STARD4: variants seen among roughly 807,000 people sequenced by gnomAD.
STARD4 encodes the protein StAR related lipid transfer domain containing 4, also known as stAR-related lipid transfer protein 4.
In STARD4, 33 loss-of-function variants were observed where a neutral mutation model predicts 24.9. The observed-to-expected ratio is 1.32, with a 90% CI of 1.00 to 1.77. The LOEUF is 1.77. Ranked by LOEUF, STARD4 falls within the 40% of genes most tolerant of loss-of-function variation. The pLI, the probability that STARD4 is intolerant of heterozygous loss-of-function variation, is 0.00. For missense variants in STARD4, 238 were observed against 249.3 expected, an observed-to-expected ratio of 0.95 and a Z score of 0.31; for synonymous variants, 88 against 77.4, an observed-to-expected ratio of 1.14 and a Z score of -0.72.
At position 111,507,383 on chromosome 5, in the gene STARD4, A is replaced by G; in HGVS notation, c.51T>C (p.Thr17=). The change falls in exon 2 of 6, where the codon ACT becomes ACC. Residue 17 remains threonine (T), a synonymous_variant. Transcript: ENST00000296632. This position sits in a 1 kb window ranked among gnomAD's most constrained non-coding sequence, Gnocchi z 4.4. ...CTTCAATGCTATGGTACTGGATGAG[A>G]GTGTTTTTAAGTTTAGTTGCAAAAG... The part of the protein sequence containing the change: ...VASFATKLKN[T]LIQYHSIEED... The G allele has an allele frequency of 6.2e-7, 1 of 1,613,740 alleles. No homozygotes were observed. The highest frequency in any genetic ancestry group is 1.3e-5 in the African/African-American group (1 of 75,030).
At chr5:111,501,312 T>C (rs1225679084) in intron 4 of STARD4, among the ~76,000 whole-genome samples, 196 bp from the exon 5 acceptor site, 1 of 152,222 alleles carries the variant, frequency 6.6e-6, no homozygotes, top group African/African-American at 2.4e-5. Context: ...GAAGAAGATA[T>C]ATAATCAAAA....
At chr5:111,510,662 C>T in intron 1 of STARD4, among the ~76,000 whole-genome samples, 1 of 152,028 alleles carries the variant, frequency 6.6e-6, no homozygotes, top group Non-Finnish European at 1.5e-5. Flanking sequence ...TTTTCTATGC[C>T]CATGCTTTTG....
rs1422551337 is a variant in STARD4 at position 111,496,647 on chromosome 5, C to A, written c.*3239G>T. 1 of 152,102 alleles carries A rather than the reference C, an allele frequency of 6.6e-6. No homozygotes were observed. The highest frequency in any genetic ancestry group is 2.4e-5 in the African/African-American group (1 of 41,438). The allele number at this position is 152,102 out of a possible 1,614,324, so 9.4% of individuals were successfully genotyped here. ...AAATTATACAATGTTTTCCCATCTT[C>A]TCCAGATACAACCTCAATTACATAG... On this transcript the variant is annotated 3_prime_UTR_variant, in exon 6 of 6. Transcript: ENST00000296632.
chr5:111,511,030 C>T (rs559227266), intron 1 of STARD4, among the ~76,000 whole-genome samples: 36 of 152,198 alleles, frequency 2.4e-4, no homozygotes, highest in African/African-American at 8.2e-4. Context: ...ATGGACTTTC[C>T]CCAATGTCAT....
intron 4 of STARD4, 148 bp from the exon 5 acceptor site, chr5:111,501,264 G>C (rs1003707411): frequency 9.0e-6 from 8 of 893,064 alleles, no homozygotes; most frequent in Non-Finnish European, 1.3e-5. Context: ...GACAGGTCTA[G>C]ATCTCTATTC....
At position 111,507,293 on chromosome 5, in the gene STARD4, G is replaced by A; in HGVS notation, c.105+36C>T. The A allele has an allele frequency of 6.5e-7, 1 of 1,543,626 alleles. No individual in the cohort carries two copies. The highest frequency in any genetic ancestry group is 8.9e-7 in the Non-Finnish European group (1 of 1,122,468). On this transcript the variant is annotated intron_variant, in intron 2 of 5. Coordinates refer to ENST00000296632, the MANE Select transcript of STARD4 (RefSeq NM_139164.3). This position sits in a 1 kb window ranked among gnomAD's most constrained non-coding sequence, Gnocchi z 4.4. ...TCATCAACCAATTCATTAGATAGAAGATATACCCCAAATATAAGTAATTGA... is the reference window on the plus strand; with the variant it reads ...TCATCAACCAATTCATTAGATAGAAAATATACCCCAAATATAAGTAATTGA...
chr5:111,496,764 A>G lies in STARD4; in HGVS notation c.*3122T>C, dbSNP rs1580836921. 1 of 152,094 alleles carries G rather than the reference A, an allele frequency of 6.6e-6. No homozygotes were observed. Among genetic ancestry groups the G allele is most frequent in the African/African-American group, 2.4e-5 (1 of 41,434 alleles). 9.4% of individuals were successfully genotyped at this position (152,094 alleles called of 1,614,324 possible). A position where few individuals can be genotyped will look rare whatever the true frequency, so the allele number is the denominator to read the frequency against. ...GGAGGAGGAGAGAGAAGGGAGGGGA[A>G]GGAAAAAAATTCTATTAACTAGGAG... is the stretch of plus-strand genomic sequence containing the variant. On this transcript the variant is annotated 3_prime_UTR_variant, in exon 6 of 6. Coordinates refer to ENST00000296632, the MANE Select transcript of STARD4 (RefSeq NM_139164.3).
rs1756183634 is a variant in STARD4 at position 111,497,863 on chromosome 5, GAAACC to G, written c.*2018_*2022del. ...CATGAACACCTCCACTCTTAAAAAT[GAAACC>G]AAACATAACCTGCTGTAATTATCCT... On this transcript the variant is annotated 3_prime_UTR_variant, in exon 6 of 6. Transcript: ENST00000296632. The G allele has an allele frequency of 6.6e-6, 1 of 151,936 alleles. No homozygotes were observed. Among genetic ancestry groups the G allele is most frequent in the South Asian group, 2.1e-4 (1 of 4,818 alleles). 9.4% of individuals were successfully genotyped at this position (151,936 alleles called of 1,614,324 possible).
At chr5:111,510,142 T>A (rs1458640771) in intron 1 of STARD4, among the ~76,000 whole-genome samples, 1 of 152,228 alleles carries the variant, frequency 6.6e-6, no homozygotes, top group African/African-American at 2.4e-5. Context: ...ACCAAACAGT[T>A]AAGTCTTGCA....
chr5:111,507,522 C>A lies in STARD4; in HGVS notation c.-9-80G>T. On this transcript the variant is annotated intron_variant, in intron 1 of 5. Transcript: ENST00000296632. The surrounding 1 kb of genome is among the most constrained non-coding windows in gnomAD (Gnocchi z 4.4). Reference sequence around the variant, plus strand: ...CCAGTGGGTCTCGAATCTGGTTTCACAATATAATAACCTACCAGAGCTATA... The same window carrying A: ...CCAGTGGGTCTCGAATCTGGTTTCAAAATATAATAACCTACCAGAGCTATA... The A allele has an allele frequency of 2.0e-6, 2 of 1,003,316 alleles. No individual in the cohort carries two copies. The highest frequency in any genetic ancestry group is 1.5e-5 in the South Asian group (1 of 65,298). 62.2% of individuals were successfully genotyped at this position (1,003,316 alleles called of 1,614,324 possible).
intron 1 of STARD4, among the ~76,000 whole-genome samples, chr5:111,509,972 C>T (rs1467222475): frequency 2.0e-5 from 3 of 152,070 alleles, no homozygotes; most frequent in African/African-American, 4.8e-5. Flanking sequence ...CTTATTCCAC[C>T]CTTAAGCTTT....
chr5:111,503,815 C>T (rs993653096), intron 3 of STARD4, among the ~76,000 whole-genome samples: 2 of 151,944 alleles, frequency 1.3e-5, no homozygotes, highest in African/African-American at 4.8e-5. Flanking sequence ...AAAAATAAGT[C>T]ATTTTTTAAA....
rs1278543806 is a variant in STARD4, at chr5:111,507,648, G to A, written c.-9-206C>T. Among the ~76,000 whole-genome samples the A allele has an allele frequency of 6.6e-6, 1 of 152,144 alleles. No individual in the cohort carries two copies. The highest frequency in any genetic ancestry group is 1.5e-5 in the Non-Finnish European group (1 of 68,016). On this transcript the variant is annotated intron_variant, in intron 1 of 5. Transcript: ENST00000296632. The surrounding 1 kb of genome is among the most constrained non-coding windows in gnomAD (Gnocchi z 4.4). ...TTGCTCCCAAGATGAATAACCCATA[G>A]CCAGAGGTGAGAATTACATATTTTT...
In STARD4 at chr5:111,507,010, C is replaced by T. The variant is rs551605065; in HGVS notation, c.105+319G>A. On this transcript the variant is annotated intron_variant, in intron 2 of 5. Coordinates refer to ENST00000296632, the MANE Select transcript of STARD4 (RefSeq NM_139164.3). The surrounding 1 kb of genome is among the most constrained non-coding windows in gnomAD (Gnocchi z 4.4). ...TATACCTGAAACTATTCCAAACTCT[C>T]AAGTACTACACTTTCTTAAATTAAT... is the stretch of plus-strand genomic sequence containing the variant. 2.6e-5 allele frequency among the ~76,000 whole-genome samples: 4 copies of T among 152,286 alleles called. No homozygotes were observed. The highest frequency in any genetic ancestry group is 2.0e-4 in the Admixed American group (3 of 15,300).
At chr5:111,506,461 G>T in intron 2 of STARD4, 82 bp from the exon 3 acceptor site, 1 of 569,534 alleles carries the variant, frequency 1.8e-6, no homozygotes, top group Non-Finnish European at 2.9e-6. Flanking sequence ...TAAGTCTATA[G>T]AATTTGTCTT....
Position 111,502,976 on chromosome 5 carries a change from G to A in STARD4, c.156-888C>T, listed in dbSNP as rs376597610. Among the ~76,000 whole-genome samples the A allele has an allele frequency of 8.1e-4, 123 of 152,272 alleles. 2 individuals are homozygous for A. The South Asian group carries it at 0.022, about 28-fold the overall frequency. ...AATGAAGATAATAAAGTCCCTTCAT[G>A]TAATAACATAGCCAAAAACAGTTTA... On this transcript the variant is annotated intron_variant, in intron 3 of 5. Coordinates refer to ENST00000296632, the MANE Select transcript of STARD4 (RefSeq NM_139164.3).
At chr5:111,509,737 G>A (rs181888451) in intron 1 of STARD4, among the ~76,000 whole-genome samples, 153 of 152,248 alleles carry the variant, frequency 1.0e-3, no homozygotes, top group Non-Finnish European at 1.6e-3. Context: ...ATGGAAAAAT[G>A]TATAGACAAT....
intron 1 of STARD4, among the ~76,000 whole-genome samples, chr5:111,510,484 C>G (rs1420466748): frequency 6.6e-6 from 1 of 152,158 alleles, no homozygotes; most frequent in Non-Finnish European, 1.5e-5. Flanking sequence ...GACCTTATAT[C>G]AGGAAATTAT....
intron 3 of STARD4, among the ~76,000 whole-genome samples, chr5:111,504,301 A>G (rs1167297939): frequency 6.6e-6 from 1 of 152,234 alleles, no homozygotes; most frequent in East Asian, 1.9e-4. Context: ...ACATAGATAA[A>G]AACATTGTGG....
Sources: allele counts gnomAD v4.1 joint callset (sites outside exome capture counted in the v4.1 genomes callset), GRCh38; gene constraint gnomAD v4.1.1; non-coding constraint Gnocchi (gnomAD v3.1); transcripts MANE v1.5; gene names NCBI Gene and HGNC (gene_info 2026-07-23, HGNC 2026-07-21).